The following MATCAP2 variants were observed in gnomAD, a reference collection of about 807,000 sequenced individuals.
The protein encoded by MATCAP2 is putative tyrosine carboxypeptidase MATCAP2.
chr7:36,357,142 GCAC>G, the MATCAP2 span: 3 of 1,613,942 alleles, frequency 1.9e-6, no homozygotes, highest in East Asian at 4.5e-5. Flanking sequence ...TGGAGAAATG[GCAC>G]CACTTGACCT....
At chr7:36,390,104 T>G in the MATCAP2 span, 1 of 1,611,248 alleles carries the variant, frequency 6.2e-7, no homozygotes, top group Non-Finnish European at 8.5e-7. Flanking sequence ...CCACCCACCT[T>G]CCTCTGTCAA....
chr7:36,357,067 C>A, the MATCAP2 span: 1 of 1,614,196 alleles, frequency 6.2e-7, no homozygotes, highest in Non-Finnish European at 8.5e-7. Flanking sequence ...TACAAAATTT[C>A]TTCCCAGAAA....
chr7:36,345,472 G>T, the MATCAP2 span, among the ~76,000 whole-genome samples: 4 of 152,042 alleles, frequency 2.6e-5, no homozygotes, highest in African/African-American at 9.7e-5. Context: ...ATGAGTAATT[G>T]TTCTCTCCTC....
the MATCAP2 span, among the ~76,000 whole-genome samples, chr7:36,383,500 C>T: frequency 3.0e-4 from 45 of 152,240 alleles, no homozygotes; most frequent in Admixed American, 2.6e-3. Flanking sequence ...AGGATGAGTT[C>T]GTGTCCTTTG....
the MATCAP2 span, among the ~76,000 whole-genome samples, chr7:36,371,079 T>C: frequency 1.3e-5 from 2 of 152,208 alleles, no homozygotes; most frequent in Non-Finnish European, 2.9e-5. Flanking sequence ...AGGATTGTTA[T>C]GTTATAGGTA....
chr7:36,378,847 G>A, the MATCAP2 span, among the ~76,000 whole-genome samples: 1 of 152,230 alleles, frequency 6.6e-6, no homozygotes, highest in Non-Finnish European at 1.5e-5. Flanking sequence ...CTCACAGTTC[G>A]ATCTCGGACT....
the MATCAP2 span, among the ~76,000 whole-genome samples, chr7:36,387,627 T>A: frequency 6.6e-6 from 1 of 152,172 alleles, no homozygotes; most frequent in African/African-American, 2.4e-5. Context: ...AGGAGTTATT[T>A]AATTGTGATG....
the MATCAP2 span, among the ~76,000 whole-genome samples, chr7:36,327,444 ATT>A: frequency 1.3e-5 from 2 of 152,156 alleles, no homozygotes; most frequent in South Asian, 4.1e-4. Context: ...CTAAAAGATT[ATT>A]TTAAAAAGTC....
chr7:36,352,856 G>C, the MATCAP2 span, among the ~76,000 whole-genome samples: 1 of 151,690 alleles, frequency 6.6e-6, no homozygotes, highest in African/African-American at 2.4e-5. Flanking sequence ...TATGTTTGTA[G>C]TTAGTAAATT....
chr7:36,362,141 A>AT, the MATCAP2 span, among the ~76,000 whole-genome samples: 6 of 152,314 alleles, frequency 3.9e-5, no homozygotes, highest in African/African-American at 1.4e-4. Flanking sequence ...TTACACTTTA[A>AT]TTTTTTTAAT....
chr7:36,355,979 C>G, the MATCAP2 span: 1 of 152,290 alleles, frequency 6.6e-6, no homozygotes, highest in East Asian at 1.9e-4. Context: ...AAGTATTATT[C>G]ATAACGTTCA....
the MATCAP2 span, among the ~76,000 whole-genome samples, chr7:36,330,267 A>G: frequency 1.3e-5 from 2 of 151,736 alleles, no homozygotes; most frequent in African/African-American, 4.8e-5. Context: ...AAAATTTTTT[A>G]TAAAGACAGG....
chr7:36,379,911 G>T, the MATCAP2 span, among the ~76,000 whole-genome samples: 4 of 150,780 alleles, frequency 2.7e-5, no homozygotes, highest in East Asian at 7.9e-4. Flanking sequence ...TTACTATATT[G>T]GGAATCTGAA....
At chr7:36,332,286 GAA>G in the MATCAP2 span, among the ~76,000 whole-genome samples, 1 of 151,868 alleles carries the variant, frequency 6.6e-6, no homozygotes, top group Non-Finnish European at 1.5e-5. Flanking sequence ...AAATGCCCTT[GAA>G]AAAAAGAGTA....
chr7:36,381,399 G>A, the MATCAP2 span, among the ~76,000 whole-genome samples: 9 of 152,088 alleles, frequency 5.9e-5, no homozygotes, highest in Non-Finnish European at 8.8e-5. Flanking sequence ...GGCCAGGTGC[G>A]GTGGCTCATG....
chr7:36,361,861 T>C, the MATCAP2 span, among the ~76,000 whole-genome samples: 15 of 152,354 alleles, frequency 9.8e-5, 1 homozygote, highest in East Asian at 2.9e-3. Flanking sequence ...AGCAACAATA[T>C]GGATGTATCT....
chr7:36,369,697 TA>T, the MATCAP2 span, among the ~76,000 whole-genome samples: 1 of 152,170 alleles, frequency 6.6e-6, no homozygotes, highest in African/African-American at 2.4e-5. Flanking sequence ...TTGGAGTACA[TA>T]ACAAAAGATG....
the MATCAP2 span, among the ~76,000 whole-genome samples, chr7:36,367,433 C>T: frequency 1.3e-5 from 2 of 151,880 alleles, no homozygotes; most frequent in Non-Finnish European, 2.9e-5. Flanking sequence ...CAGTGGGTAA[C>T]GCATATTGAC....
chr7:36,329,260 C>G, the MATCAP2 span, among the ~76,000 whole-genome samples: 3,166 of 152,086 alleles, frequency 0.021, 53 homozygotes, highest in Middle Eastern at 0.051. Context: ...CATTGAGAAA[C>G]AAGGTTCTCA....
Sources: allele counts gnomAD v4.1 joint callset (sites outside exome capture counted in the v4.1 genomes callset), GRCh38; gene constraint gnomAD v4.1.1; transcripts MANE v1.5; gene names NCBI Gene and HGNC (gene_info 2026-07-23, HGNC 2026-07-21).